The following SQOR variants were observed in gnomAD, a reference collection of about 807,000 sequenced individuals.
SQOR encodes the protein sulfide quinone oxidoreductase, also known as sulfide:quinone oxidoreductase, mitochondrial.
In SQOR, 39 loss-of-function variants were observed where a neutral mutation model predicts 48.6. That is an observed-to-expected ratio of 0.80 (90% CI 0.62 to 1.05). The LOEUF is 1.05. Ranked by LOEUF, SQOR falls within the 50% of genes least tolerant of loss-of-function variation. The probability of loss-of-function intolerance (pLI) is 0.00; values close to 1 mark genes in which losing one functional copy is unlikely to be tolerated. For synonymous variants in SQOR, 220 were observed against 206.2 expected, an observed-to-expected ratio of 1.07 and a Z score of -0.57; for missense variants, 561 against 559.9, an observed-to-expected ratio of 1.00 and a Z score of -0.02.
chr15:45,689,144 A>G lies in SQOR; in HGVS notation c.1222A>G (p.Ser408Gly). Residue 408 changes from serine to glycine, a missense_variant, in exon 9 of 10, where the codon AGC becomes GGC. Ser to Gly is a moderately conservative substitution (Grantham distance 56). Coordinates refer to ENST00000260324, the MANE Select transcript of SQOR (RefSeq NM_021199.4). ...EPLETFPFDQ[S>G]KERLSMYLMK... ...GCTAGAAACCTTCCCCTTTGATCAA[A>G]GCAAAGAGCGCCTTTCCATGTATCT... 1.2e-6 allele frequency: 2 copies of G among 1,614,164 alleles called. No individual in the cohort carries two copies. Among genetic ancestry groups the G allele is most frequent in the Non-Finnish European group, 1.7e-6 (2 of 1,180,028 alleles).
At chr15:45,671,363 G>A (rs1374710535) in intron 4 of SQOR, among the ~76,000 whole-genome samples, 1 of 152,056 alleles carries the variant, frequency 6.6e-6, no homozygotes, top group Non-Finnish European at 1.5e-5. Context: ...TCACTGTGTT[G>A]GTCAGGCTGG....
At chr15:45,646,252 G>T (rs533381876) in intron 1 of SQOR, among the ~76,000 whole-genome samples, 18 of 152,294 alleles carry the variant, frequency 1.2e-4, no homozygotes, top group African/African-American at 3.9e-4. Context: ...GCCATCCCTG[G>T]AGCTGGAAGG....
At position 45,645,386 on chromosome 15, in the gene SQOR, T is replaced by G. The variant is rs80244984; in HGVS notation, c.-18+10278T>G. ...TTTATGTTCCAGTTTGACTGGACTA[T>G]GGGGTGCCTAGAAATTTGGTCAAAC... On this transcript the variant is annotated intron_variant, in intron 1 of 9. Transcript: ENST00000260324. Among the ~76,000 whole-genome samples the G allele has an allele frequency of 9.2e-3, 1,403 of 152,302 alleles. 17 individuals carry two copies. Among genetic ancestry groups the G allele is most frequent in the African/African-American group, 0.033 (1,359 of 41,572 alleles).
At chr15:45,661,615 A>G (rs1889722207) in intron 2 of SQOR, among the ~76,000 whole-genome samples, 2 of 152,228 alleles carry the variant, frequency 1.3e-5, no homozygotes, top group Non-Finnish European at 2.9e-5. Context: ...ATTTGTTCAC[A>G]TGAAGTATCC....
chr15:45,672,616 T>G (rs1306747328), intron 4 of SQOR, among the ~76,000 whole-genome samples: 1 of 152,190 alleles, frequency 6.6e-6, no homozygotes, highest in African/African-American at 2.4e-5. Context: ...TGACTGTTTC[T>G]TGATGATTGA....
rs749279381 is a variant in SQOR, at chr15:45,673,745, A to C, written c.598A>C (p.Lys200Gln). 1 of 1,614,192 alleles carries C rather than the reference A, an allele frequency of 6.2e-7. No individual in the cohort carries two copies. Among genetic ancestry groups the C allele is most frequent in the South Asian group, 1.1e-5 (1 of 91,086 alleles). ...AIFTFPNTPV[K>Q]CAGAPQKIMY... Reference sequence around the variant, plus strand: ...CTTCACCTTCCCAAATACTCCAGTGAAGTGTGCTGGAGCCCCTCAGAAGAT... The same window carrying C: ...CTTCACCTTCCCAAATACTCCAGTGCAGTGTGCTGGAGCCCCTCAGAAGAT... The change falls in exon 5 of 10, where the codon AAG becomes CAG. Residue 200 changes from lysine (K) to glutamine (Q), a missense_variant. Lys to Gln is a moderately conservative substitution (Grantham distance 53). Coordinates refer to ENST00000260324, the MANE Select transcript of SQOR (RefSeq NM_021199.4).
chr15:45,638,720 CTG>C (rs1420278393), intron 1 of SQOR, among the ~76,000 whole-genome samples: 1 of 150,600 alleles, frequency 6.6e-6, no homozygotes, highest in East Asian at 1.9e-4. Flanking sequence ...GAGCAAGACT[CTG>C]TCTCAAAAAA....
chr15:45,669,723 C>A (rs953853111), intron 3 of SQOR, among the ~76,000 whole-genome samples: 1 of 152,160 alleles, frequency 6.6e-6, no homozygotes, highest in Admixed American at 6.5e-5. Context: ...CCACCTCCCC[C>A]AGCCCCAAGA....
chr15:45,637,109 G>A (rs752935472), intron 1 of SQOR, among the ~76,000 whole-genome samples: 6 of 151,750 alleles, frequency 4.0e-5, no homozygotes, highest in Non-Finnish European at 7.4e-5. Flanking sequence ...AGCATCCCTA[G>A]TAGCTGGGAT....
intron 1 of SQOR, among the ~76,000 whole-genome samples, chr15:45,641,192 G>A: frequency 6.6e-6 from 1 of 152,152 alleles, no homozygotes. Context: ...GTATTGGTTT[G>A]GTGAAATTGT....
In SQOR at chr15:45,676,315, G is replaced by A; in HGVS notation, c.864+5G>A. On this transcript the variant is annotated splice_donor_5th_base_variant and intron_variant, in intron 6 of 9. Coordinates refer to ENST00000260324, the MANE Select transcript of SQOR (RefSeq NM_021199.4). Reference sequence around the variant, plus strand: ...GGAGAGACCCAAGTGATTTCAGTGAGTGGTGAGGCTAAGCTGTCAGCATGA... The same window carrying A: ...GGAGAGACCCAAGTGATTTCAGTGAATGGTGAGGCTAAGCTGTCAGCATGA... 6.2e-7 allele frequency: 1 copy of A among 1,613,838 alleles called. No individual in the cohort carries two copies. The highest frequency in any genetic ancestry group is 1.3e-5 in the African/African-American group (1 of 75,000).
At chr15:45,647,880 G>C (rs1478275986) in intron 1 of SQOR, among the ~76,000 whole-genome samples, 2 of 152,084 alleles carry the variant, frequency 1.3e-5, no homozygotes, top group East Asian at 2.0e-4. Context: ...TCATGCTGCT[G>C]CACTCCAGCC....
In SQOR at chr15:45,635,071, G is replaced by A. The variant is rs954550091; in HGVS notation, c.-55G>A. On this transcript the variant is annotated 5_prime_UTR_variant, in exon 1 of 10. Transcript: ENST00000260324. Reference sequence around the variant, plus strand: ...CCAGAAGGGAGCGAAGGTTTTTGCTGCGCCAACGCAGTGACCGAAGGCTCC... The same window carrying A: ...CCAGAAGGGAGCGAAGGTTTTTGCTACGCCAACGCAGTGACCGAAGGCTCC... 6.6e-6 allele frequency: 1 copy of A among 152,286 alleles called. No homozygotes were observed. Among genetic ancestry groups the A allele is most frequent in the African/African-American group, 2.4e-5 (1 of 41,474 alleles). 9.4% of individuals were successfully genotyped at this position (152,286 alleles called of 1,614,324 possible).
chr15:45,644,657 C>G (rs1015383539), intron 1 of SQOR, among the ~76,000 whole-genome samples: 1 of 151,954 alleles, frequency 6.6e-6, no homozygotes, highest in Non-Finnish European at 1.5e-5. Flanking sequence ...AAAGCACCTG[C>G]GTAGGTGAAG....
chr15:45,643,740 C>A (rs1247536099), intron 1 of SQOR, among the ~76,000 whole-genome samples: 1 of 152,170 alleles, frequency 6.6e-6, no homozygotes, highest in African/African-American at 2.4e-5. Context: ...TGAATTTGCA[C>A]ATAGACTTAT....
At chr15:45,648,330 A>G (rs1171856039) in intron 1 of SQOR, among the ~76,000 whole-genome samples, 1 of 152,096 alleles carries the variant, frequency 6.6e-6, no homozygotes, top group Non-Finnish European at 1.5e-5. Flanking sequence ...GGCATGTGCC[A>G]CCATACCCAG....
intron 1 of SQOR, among the ~76,000 whole-genome samples, chr15:45,646,938 G>T (rs1889351953): frequency 6.6e-6 from 1 of 152,064 alleles, no homozygotes; most frequent in Non-Finnish European, 1.5e-5. Flanking sequence ...ATTGTACCTT[G>T]CCCTTCTCTG....
chr15:45,671,055 G>T (rs1889932971), intron 4 of SQOR, among the ~76,000 whole-genome samples: 1 of 152,210 alleles, frequency 6.6e-6, no homozygotes, highest in South Asian at 2.1e-4. Flanking sequence ...AGTGCTCAGA[G>T]TTCATAGCAG....
chr15:45,690,826 G>C (rs1328908663), intron 9 of SQOR, 147 bp from the exon 10 acceptor site: 2 of 736,886 alleles, frequency 2.7e-6, no homozygotes, highest in Non-Finnish European at 4.9e-6. Context: ...CCTAGTCATG[G>C]GATCTCTCCA....
Sources: allele counts gnomAD v4.1 joint callset (sites outside exome capture counted in the v4.1 genomes callset), GRCh38; gene constraint gnomAD v4.1.1; transcripts MANE v1.5; gene names NCBI Gene and HGNC (gene_info 2026-07-23, HGNC 2026-07-21).